Variants in UGT1A8 observed in about 807,000 individuals in gnomAD.
UGT1A8 encodes the protein UDP glucuronosyltransferase family 1 member A8.
Under a neutral mutation model 45.3 loss-of-function variants are expected in UGT1A8, and 39 were observed. The ratio of observed to expected loss-of-function variants is 0.86; its 90% confidence interval spans 0.67 to 1.12. The LOEUF (loss-of-function observed/expected upper bound fraction) is 1.12. UGT1A8 is among the 50% of genes most tolerant of loss of function. The probability of loss-of-function intolerance (pLI) is 0.00; values close to 1 mark genes in which losing one functional copy is unlikely to be tolerated. For missense variants in UGT1A8, 719 were observed against 664.9 expected, an observed-to-expected ratio of 1.08 and a Z score of -0.90; for synonymous variants, 275 against 249.2, an observed-to-expected ratio of 1.10 and a Z score of -0.97.
intron 1 of UGT1A8, among the ~76,000 whole-genome samples, chr2:233,744,831 G>A (rs1406769887): frequency 6.6e-6 from 1 of 151,816 alleles, no homozygotes; most frequent in African/African-American, 2.4e-5. Flanking sequence ...TTTGAGAATC[G>A]CTAGTCTAGC....
intron 1 of UGT1A8, among the ~76,000 whole-genome samples, chr2:233,725,934 T>C (rs986998234): frequency 1.6e-4 from 25 of 152,166 alleles, no homozygotes; most frequent in Admixed American, 5.2e-4. Context: ...GGGAGACTGA[T>C]GCAGGAGGAT....
intron 1 of UGT1A8, among the ~76,000 whole-genome samples, chr2:233,698,020 CA>C (rs1249680448): frequency 6.6e-6 from 1 of 151,888 alleles, no homozygotes; most frequent in African/African-American, 2.4e-5. Context: ...ACATTGGTAC[CA>C]ATTATCTTAT....
chr2:233,669,746 T>C (rs142899745), intron 1 of UGT1A8, among the ~76,000 whole-genome samples: 2,926 of 152,222 alleles, frequency 0.019, 51 homozygotes, highest in Admixed American at 0.038. Flanking sequence ...TATAATGGCG[T>C]GATCTCAGCT....
chr2:233,712,953 C>T (rs759675918), intron 1 of UGT1A8: 31 of 1,612,662 alleles, frequency 1.9e-5, no homozygotes, highest in Middle Eastern at 2.0e-4. Context: ...GGAGGCACAA[C>T]GTGGGGTGGA....
In UGT1A8 at chr2:233,772,705, C is replaced by G. The variant is rs769331263; in HGVS notation, c.*146C>G. ...CAGCCCCAGAGTGCTTTAAAAAATT[C>G]TCTTAAATAAAAATAATAGACTCGC... is the stretch of plus-strand genomic sequence containing the variant. On this transcript the variant is annotated 3_prime_UTR_variant, in exon 5 of 5. Coordinates refer to ENST00000373450, the MANE Select transcript of UGT1A8 (RefSeq NM_019076.5). 3.4e-6 allele frequency: 5 copies of G among 1,474,690 alleles called. No individual in the cohort carries two copies. Among genetic ancestry groups the G allele is most frequent in the Non-Finnish European group, 4.5e-6 (5 of 1,119,720 alleles). 91.4% of individuals were successfully genotyped at this position (1,474,690 alleles called of 1,614,324 possible).
rs193214691 is a variant in UGT1A8, at chr2:233,632,182, C to T, written c.855+13620C>T. 5.2e-4 allele frequency among the ~76,000 whole-genome samples: 79 copies of T among 152,192 alleles called. No homozygotes were observed. The East Asian group carries it at 9.3e-3, about 18-fold the overall frequency. ...TAATTTCTGAGGCCTCTGTTCAGTT[C>T]CATTGGTCTATATATCTGTTTGGGT... On this transcript the variant is annotated intron_variant, in intron 1 of 4. Transcript: ENST00000373450.
intron 1 of UGT1A8, among the ~76,000 whole-genome samples, chr2:233,738,515 G>A (rs2125816431): frequency 6.6e-6 from 1 of 152,322 alleles, no homozygotes; most frequent in African/African-American, 2.4e-5. Context: ...TGCTGATAAT[G>A]TTGTGGACAA....
chr2:233,618,088 G>A lies in UGT1A8; in HGVS notation c.381G>A (p.Leu127=). Residue 127 remains leucine (L), a synonymous_variant, in exon 1 of 5, where the codon TTG becomes TTA. Transcript: ENST00000373450. ...FNLFFSHCRS[L]FNDRKLVEYL... ...TATTTTTTTCGCATTGCAGGAGTTT[G>A]TTTAATGACCGAAAATTAGTAGAAT... 1 of 1,614,084 alleles carries A rather than the reference G, an allele frequency of 6.2e-7. No individual in the cohort carries two copies. Among genetic ancestry groups the A allele is most frequent in the Non-Finnish European group, 8.5e-7 (1 of 1,179,998 alleles).
chr2:233,623,344 C>T (rs996610535), intron 1 of UGT1A8, among the ~76,000 whole-genome samples: 2 of 152,144 alleles, frequency 1.3e-5, no homozygotes, highest in African/African-American at 4.8e-5. Flanking sequence ...GATATTGATT[C>T]TTCCTATCCA....
chr2:233,721,854 C>A, intron 1 of UGT1A8: 1 of 513,502 alleles, frequency 1.9e-6, no homozygotes. Flanking sequence ...AGCCCCACTG[C>A]TCGGCCCTGG....
At chr2:233,726,448 G>A (rs566259784) in intron 1 of UGT1A8, among the ~76,000 whole-genome samples, 1 of 152,244 alleles carries the variant, frequency 6.6e-6, no homozygotes, top group East Asian at 1.9e-4. Flanking sequence ...TCTTTCCACT[G>A]AATGTAAGCT....
At chr2:233,692,037 A>G (rs2075074158) in intron 1 of UGT1A8, 1 of 152,220 alleles carries the variant, frequency 6.6e-6, no homozygotes, top group Non-Finnish European at 1.5e-5. Context: ...TTGCCAGGGA[A>G]CAAAACCCTT....
At chr2:233,690,823 C>T in intron 1 of UGT1A8, 1 of 1,066,136 alleles carries the variant, frequency 9.4e-7, no homozygotes, top group Non-Finnish European at 1.1e-6. Context: ...AGTCAAAGCT[C>T]ACAGGAGAAA....
At chr2:233,627,616 CCTTCCTTT>C (rs1469954259) in intron 1 of UGT1A8, among the ~76,000 whole-genome samples, 13 of 137,982 alleles carry the variant, frequency 9.4e-5, no homozygotes, top group African/African-American at 2.1e-4. Context: ...TCCCTTCCTT[CCTTCCTTT>C]CTTCCTTCCT....
At chr2:233,626,223 C>T (rs9677829) in intron 1 of UGT1A8, among the ~76,000 whole-genome samples, 35,278 of 151,810 alleles carry the variant, frequency 0.23, 4,664 homozygotes, top group East Asian at 0.51. Context: ...TTTCAGTGCC[C>T]ATAAGGGTTC....
intron 1 of UGT1A8, among the ~76,000 whole-genome samples, chr2:233,694,844 C>A (rs2075243511): frequency 6.6e-6 from 1 of 152,268 alleles, no homozygotes; most frequent in East Asian, 1.9e-4. Context: ...TGTCAGGATT[C>A]TTTTAATTGG....
At chr2:233,649,302 A>G (rs936515538) in intron 1 of UGT1A8, among the ~76,000 whole-genome samples, 4 of 152,136 alleles carry the variant, frequency 2.6e-5, no homozygotes, top group Non-Finnish European at 5.9e-5. Flanking sequence ...CCCTGGCTAG[A>G]CTCAAACTCC....
chr2:233,727,644 C>G lies in UGT1A8; in HGVS notation c.856-39390C>G, dbSNP rs139554548. On this transcript the variant is annotated intron_variant, in intron 1 of 4. Coordinates refer to ENST00000373450, the MANE Select transcript of UGT1A8 (RefSeq NM_019076.5). ...AGAGGTTGCACCCACAGCTGAGAAT[C>G]CCTTTCTAGTGCTCTATGTCCTTAC... Among the ~76,000 whole-genome samples the G allele has an allele frequency of 3.3e-5, 5 of 152,272 alleles. No individual in the cohort carries two copies. In the East Asian group the frequency reaches 9.7e-4, roughly 29 times the overall value.
intron 1 of UGT1A8, among the ~76,000 whole-genome samples, chr2:233,749,659 C>T (rs1400129008): frequency 6.6e-6 from 1 of 151,752 alleles, no homozygotes. Context: ...AATTGTAATC[C>T]CCATAATCCC....
Sources: allele counts gnomAD v4.1 joint callset (sites outside exome capture counted in the v4.1 genomes callset), GRCh38; gene constraint gnomAD v4.1.1; transcripts MANE v1.5; gene names NCBI Gene and HGNC (gene_info 2026-07-23, HGNC 2026-07-21).